PKD1L3: variants seen among roughly 807,000 people sequenced by gnomAD.
PKD1L3 encodes polycystin-1-like protein 3.
In PKD1L3, 239 loss-of-function variants were observed where a neutral mutation model predicts 184.1. That is an observed-to-expected ratio of 1.30 (90% CI 1.17 to 1.45). PKD1L3 has a LOEUF of 1.45. Ranked by LOEUF, PKD1L3 falls within the 40% of genes most tolerant of loss-of-function variation. The pLI is 0.00. For missense variants in PKD1L3, 2,660 were observed against 2,067.2 expected, an observed-to-expected ratio of 1.29 and a Z score of -5.56; for synonymous variants, 996 against 778.8, an observed-to-expected ratio of 1.28 and a Z score of -4.64.
rs1448569463 is a variant in PKD1L3 at position 72,000,167 on chromosome 16, G to C, written c.-189C>G. On this transcript the variant is annotated 5_prime_UTR_variant, in exon 1 of 30. In the 5' UTR this introduces an upstream ATG that the reference lacks. Transcript: ENST00000620267. ...CTACAAGCTGAAAACAAATAGCAGA[G>C]ATCAATAAAACAATGGCCCTTTTTA... 1.3e-5 allele frequency among the ~76,000 whole-genome samples: 2 copies of C among 152,116 alleles called. No homozygotes were observed. Among genetic ancestry groups the C allele is most frequent in the Admixed American group, 6.6e-5 (1 of 15,254 alleles).
chr16:71,942,073 C>G (rs1052577480), intron 24 of PKD1L3, among the ~76,000 whole-genome samples: 1 of 151,628 alleles, frequency 6.6e-6, no homozygotes, highest in Non-Finnish European at 1.5e-5. Flanking sequence ...CCAGCACTTT[C>G]GGAGGCCAAG....
intron 27 of PKD1L3, 113 bp downstream of exon 27, chr16:71,933,802 G>A: frequency 5.0e-6 from 6 of 1,199,694 alleles, no homozygotes; most frequent in Non-Finnish European, 4.7e-6. Context: ...TCTAAACCCG[G>A]CTTTCCTACT....
In PKD1L3 at chr16:71,977,344, G is replaced by C. The variant is rs1474795983; in HGVS notation, c.1651C>G (p.Pro551Ala). The change falls in exon 11 of 30, where the codon CCT becomes GCT. Residue 551 changes from proline (P) to alanine (A), a missense_variant. By Grantham distance (27) the Pro-to-Ala change is conservative. Coordinates refer to ENST00000620267, the MANE Select transcript of PKD1L3 (RefSeq NM_181536.2). ...LEKSLIVSID[P>A]DSPLLMTLYL... ...AGTGTCATTAAAAGGGGACTGTCAG[G>C]ATCTATGCTCACTATCAAGGATTTC... 1.9e-6 allele frequency: 3 copies of C among 1,547,830 alleles called. No individual in the cohort carries two copies. Among genetic ancestry groups the C allele is most frequent in the Non-Finnish European group, 2.6e-6 (3 of 1,143,618 alleles).
intron 22 of PKD1L3, among the ~76,000 whole-genome samples, chr16:71,944,741 C>T (rs1197740761): frequency 9.5e-6 from 1 of 104,786 alleles, no homozygotes; most frequent in African/African-American, 3.4e-5. Context: ...ACTTCGTTGT[C>T]GAGGCTGGAG....
chr16:71,991,389 G>A (rs2040584495), intron 3 of PKD1L3: 1 of 171,420 alleles, frequency 5.8e-6, no homozygotes, highest in Non-Finnish European at 1.4e-5. Flanking sequence ...ATAACCACTT[G>A]AAGCTAACAT....
At chr16:71,998,496 G>A in intron 1 of PKD1L3, 102 bp from the exon 2 acceptor site, 2 of 1,423,632 alleles carry the variant, frequency 1.4e-6, no homozygotes, top group Non-Finnish European at 1.8e-6. Context: ...AGTCACCCAA[G>A]CTGGAGTGCA....
chr16:71,986,740 G>A (rs1253170557), intron 4 of PKD1L3, among the ~76,000 whole-genome samples: 1 of 152,066 alleles, frequency 6.6e-6, no homozygotes, highest in East Asian at 1.9e-4. Flanking sequence ...CTAGAGAACT[G>A]AATATGGCAA....
intron 2 of PKD1L3, among the ~76,000 whole-genome samples, chr16:71,996,984 G>A (rs139222961): frequency 3.2e-3 from 442 of 137,170 alleles, no homozygotes; most frequent in Middle Eastern, 0.028. Flanking sequence ...CCTTGAGTTA[G>A]AAAGCGAGGT....
At chr16:71,989,896 A>G (rs1353207595) in intron 4 of PKD1L3, among the ~76,000 whole-genome samples, 1 of 151,846 alleles carries the variant, frequency 6.6e-6, no homozygotes, top group Non-Finnish European at 1.5e-5. Flanking sequence ...CCAACATAGC[A>G]AAACTCCATC....
In PKD1L3 at chr16:71,973,375, C is replaced by A; in HGVS notation, c.1902G>T (p.Gln634His). ...SLVSVITAVT[Q>H]CYYWEIHNQT... ...GGTTGTGGATCTCCCAGTAGTAACACTGAGTGACGGCGGTGATGACCGAGA... is the reference window on the plus strand; with the variant it reads ...GGTTGTGGATCTCCCAGTAGTAACAATGAGTGACGGCGGTGATGACCGAGA... Residue 634 changes from glutamine (Q) to histidine (H), a missense_variant, in exon 12 of 30, where the codon CAG becomes CAT. Coordinates refer to ENST00000620267, the MANE Select transcript of PKD1L3 (RefSeq NM_181536.2). 1.3e-6 allele frequency: 2 copies of A among 1,551,730 alleles called. No homozygotes were observed. Among genetic ancestry groups the A allele is most frequent in the South Asian group, 2.4e-5 (2 of 84,062 alleles).
intron 22 of PKD1L3, among the ~76,000 whole-genome samples, chr16:71,945,390 ATATATATATTTATTTATTTATT>A (rs1201094974): frequency 1.3e-4 from 12 of 94,252 alleles, no homozygotes; most frequent in Non-Finnish European, 2.4e-4. Flanking sequence ...ACACATATAT[ATATATATATTTATTTATTTATT>A]TATTTATTTA....
chr16:71,964,459 C>G (rs1184628900), intron 15 of PKD1L3, among the ~76,000 whole-genome samples: 1 of 151,058 alleles, frequency 6.6e-6, no homozygotes. Context: ...CTGCCTCAGC[C>G]TCCCAAGTAG....
intron 10 of PKD1L3, 47 bp from the exon 11 acceptor site, chr16:71,977,514 T>G: frequency 7.5e-7 from 1 of 1,340,958 alleles, no homozygotes; most frequent in Non-Finnish European, 1.0e-6. Flanking sequence ...TCCATTGATG[T>G]CTTTCAAAAT....
intron 12 of PKD1L3, among the ~76,000 whole-genome samples, chr16:71,972,376 G>C (rs1238495020): frequency 6.6e-6 from 1 of 150,966 alleles, no homozygotes; most frequent in African/African-American, 2.4e-5. Context: ...CTCCAGCCTG[G>C]GCAACAAGAG....
At chr16:71,985,088 C>T (rs887458006) in intron 5 of PKD1L3, among the ~76,000 whole-genome samples, 1 of 152,208 alleles carries the variant, frequency 6.6e-6, no homozygotes, top group African/African-American at 2.4e-5. Flanking sequence ...AATTCAACCA[C>T]ATATTCAAGA....
Position 71,954,242 on chromosome 16 carries a change from A to G in PKD1L3, c.2672T>C (p.Ile891Thr). 6.4e-7 allele frequency: 1 copy of G among 1,550,662 alleles called. No individual in the cohort carries two copies. The highest frequency in any genetic ancestry group is 8.7e-7 in the Non-Finnish European group (1 of 1,146,534). The change falls in exon 17 of 30, where the codon ATT (isoleucine) becomes ACT (threonine). Residue 891 changes from isoleucine (I) to threonine (T), a missense_variant. Ile to Thr is a moderately conservative substitution (Grantham distance 89). Coordinates refer to ENST00000620267, the MANE Select transcript of PKD1L3 (RefSeq NM_181536.2). The part of the protein sequence containing the change: ...KFTQDYLWLS[I>T]ATRHPWNQFT... Reference sequence around the variant, plus strand: ...CTGGTTCCAGGGATGCCGAGTTGCAATTGAAAGCCACAGATAATCCTGGGT... The same window carrying G: ...CTGGTTCCAGGGATGCCGAGTTGCAGTTGAAAGCCACAGATAATCCTGGGT...
At chr16:71,944,291 CT>C in intron 22 of PKD1L3, 121 bp from the exon 23 acceptor site, 1 of 930,298 alleles carries the variant, frequency 1.1e-6, no homozygotes. Flanking sequence ...ATAAAACTAC[CT>C]ATGCAGTGCT....
intron 22 of PKD1L3, among the ~76,000 whole-genome samples, chr16:71,944,700 T>G (rs1164560190): frequency 5.8e-5 from 4 of 68,766 alleles, no homozygotes; most frequent in Non-Finnish European, 1.3e-4. Flanking sequence ...ATCTGTTTTT[T>G]GTTTGTTTTT....
At chr16:71,961,908 G>A (rs1203580114) in intron 16 of PKD1L3, among the ~76,000 whole-genome samples, 1 of 152,120 alleles carries the variant, frequency 6.6e-6, no homozygotes, top group Non-Finnish European at 1.5e-5. Context: ...ACAGTTCCAT[G>A]TTTTTTTGCC....
Sources: allele counts gnomAD v4.1 joint callset (sites outside exome capture counted in the v4.1 genomes callset), GRCh38; gene constraint gnomAD v4.1.1; transcripts MANE v1.5; gene names NCBI Gene and HGNC (gene_info 2026-07-23, HGNC 2026-07-21).